NR5A2: variants seen among roughly 807,000 people sequenced by gnomAD.
NR5A2 encodes nuclear receptor subfamily 5 group A member 2.
In NR5A2, 26 loss-of-function variants were observed where a neutral mutation model predicts 62.7. That is an observed-to-expected ratio of 0.41 (90% CI 0.30 to 0.58). The LOEUF is 0.58. Among genes scored for constraint, NR5A2 ranks in the 20% least tolerant of loss-of-function variants. The pLI, the probability that NR5A2 is intolerant of heterozygous loss-of-function variation, is 0.22. For missense variants in NR5A2, 541 were observed against 669.1 expected (o/e 0.81, Z 2.11); for synonymous variants, 246 against 241.7 (o/e 1.02, Z -0.16).
chr1:200,102,718 T>C (rs1665435681), intron 5 of NR5A2, among the ~76,000 whole-genome samples: 2 of 152,202 alleles, frequency 1.3e-5, no homozygotes, highest in African/African-American at 2.4e-5. Flanking sequence ...TTTTGTACAA[T>C]TTAATTTTCA....
chr1:200,160,487 C>G (rs1338762835), intron 7 of NR5A2, among the ~76,000 whole-genome samples: 1 of 152,228 alleles, frequency 6.6e-6, no homozygotes, highest in Non-Finnish European at 1.5e-5. Context: ...GAATCGGGCT[C>G]TTAGCCTCAC....
chr1:200,089,363 T>G (rs76200047), intron 5 of NR5A2, among the ~76,000 whole-genome samples: 18,816 of 151,998 alleles, frequency 0.12, 1,239 homozygotes, highest in African/African-American at 0.19. Context: ...GTTTCGCCAC[T>G]TTGGGCAGAC....
intron 5 of NR5A2, among the ~76,000 whole-genome samples, chr1:200,093,539 G>A (rs780883352): frequency 2.0e-5 from 3 of 152,074 alleles, no homozygotes; most frequent in African/African-American, 4.8e-5. Flanking sequence ...TTTGAGACAC[G>A]GTTTTCCAGA....
intron 7 of NR5A2, among the ~76,000 whole-genome samples, chr1:200,130,727 G>C (rs867690974): frequency 1.2e-4 from 19 of 152,196 alleles, no homozygotes; most frequent in African/African-American, 4.6e-4. Flanking sequence ...TCCTGAAGCT[G>C]GTCACAATAT....
chr1:200,162,219 C>G (rs959087211), intron 7 of NR5A2, among the ~76,000 whole-genome samples: 1 of 152,168 alleles, frequency 6.6e-6, no homozygotes, highest in Admixed American at 6.5e-5. Flanking sequence ...GTGAAATTAC[C>G]ATGTAATACC....
At chr1:200,116,584 AT>A (rs1195650990) in intron 6 of NR5A2, among the ~76,000 whole-genome samples, 10 of 152,326 alleles carry the variant, frequency 6.6e-5, no homozygotes, top group African/African-American at 2.4e-4. Context: ...ACACCAGTAC[AT>A]TGTATATTGA....
At position 200,147,953 on chromosome 1, in the gene NR5A2, G is replaced by A; in HGVS notation, c.1379-26010G>A. On this transcript the variant is annotated intron_variant, in intron 7 of 7. Coordinates refer to ENST00000367362, the MANE Select transcript of NR5A2 (RefSeq NM_205860.3). This position sits in a 1 kb window ranked among gnomAD's most constrained non-coding sequence, Gnocchi z 4.9. ...GCTTCGCCGGTGTTGGTGTTGCCCT[G>A]TGGTAGGCGATGCATCGGGCGGCCG... The A allele has an allele frequency of 8.9e-6, 3 of 336,692 alleles. No individual in the cohort carries two copies. The South Asian group carries it at 1.2e-4, about 13-fold the overall frequency. The allele number at this position is 336,692 out of a possible 1,614,324, so 20.9% of individuals were successfully genotyped here.
At position 200,174,227 on chromosome 1, in the gene NR5A2, G is replaced by A. The variant is rs770456719; in HGVS notation, c.*17G>A. On this transcript the variant is annotated 3_prime_UTR_variant, in exon 8 of 8. Coordinates refer to ENST00000367362, the MANE Select transcript of NR5A2 (RefSeq NM_205860.3). ...AGAGCATAAGTTACAACCCCTAGGAGCTCTGCTTTCAAAACAAAAAGAGAT... is the reference window on the plus strand; with the variant it reads ...AGAGCATAAGTTACAACCCCTAGGAACTCTGCTTTCAAAACAAAAAGAGAT... 6.6e-7 allele frequency: 1 copy of A among 1,521,438 alleles called. No homozygotes were observed. Among genetic ancestry groups the A allele is most frequent in the Non-Finnish European group, 8.8e-7 (1 of 1,133,848 alleles). The allele number at this position is 1,521,438 out of a possible 1,614,324, so 94.2% of individuals were successfully genotyped here.
chr1:200,053,426 A>G (rs919516800), intron 5 of NR5A2, among the ~76,000 whole-genome samples: 2 of 152,166 alleles, frequency 1.3e-5, no homozygotes, highest in Non-Finnish European at 2.9e-5. Flanking sequence ...ACCTCTTTTT[A>G]CATATGAAGA....
At chr1:200,087,346 T>A (rs1276972800) in intron 5 of NR5A2, among the ~76,000 whole-genome samples, 1 of 152,138 alleles carries the variant, frequency 6.6e-6, no homozygotes, top group Non-Finnish European at 1.5e-5. Flanking sequence ...TCATGGAGTT[T>A]GTCAGGTCCC....
intron 5 of NR5A2, among the ~76,000 whole-genome samples, chr1:200,059,212 C>T (rs1663074524): frequency 6.6e-6 from 1 of 152,118 alleles, no homozygotes; most frequent in African/African-American, 2.4e-5. Flanking sequence ...TTGTTGGTTG[C>T]AGAGACTTCA....
At chr1:200,137,643 G>A (rs113967176) in intron 7 of NR5A2, among the ~76,000 whole-genome samples, 1,697 of 152,226 alleles carry the variant, frequency 0.011, 15 homozygotes, top group Non-Finnish European at 0.017. Context: ...TGGAGTGAAA[G>A]AAGAAGGAAT....
chr1:200,043,779 C>A lies in NR5A2; in HGVS notation c.208C>A (p.Gln70Lys), dbSNP rs765621229. 6.2e-7 allele frequency: 1 copy of A among 1,601,966 alleles called. No homozygotes were observed. The highest frequency in any genetic ancestry group is 1.1e-5 in the South Asian group (1 of 90,260). The change falls in exon 3 of 8, where the codon CAA (glutamine) becomes AAA (lysine). Residue 70 changes from glutamine to lysine, a missense_variant. By Grantham distance (53) the Gln-to-Lys change is moderately conservative. Coordinates refer to ENST00000367362, the MANE Select transcript of NR5A2 (RefSeq NM_205860.3). ...GQMPENMQVS[Q>K]FKMVNYSYDE... Reference sequence around the variant, plus strand: ...CATTTCTCTTTTTGTTTCAGTGTCTCAATTTAAAATGGTGAATTACTCCTA... The same window carrying A: ...CATTTCTCTTTTTGTTTCAGTGTCTAAATTTAAAATGGTGAATTACTCCTA...
intron 7 of NR5A2, among the ~76,000 whole-genome samples, chr1:200,124,475 G>C (rs999872138): frequency 1.1e-4 from 16 of 152,060 alleles, no homozygotes; most frequent in Non-Finnish European, 2.1e-4. Context: ...TGGGTAAGCT[G>C]GTCAAGAAAG....
At chr1:200,079,821 G>A (rs905410747) in intron 5 of NR5A2, among the ~76,000 whole-genome samples, 7 of 151,934 alleles carry the variant, frequency 4.6e-5, no homozygotes, top group Admixed American at 2.6e-4. Flanking sequence ...GGGAATGAAA[G>A]ACACTTCTGT....
intron 5 of NR5A2, among the ~76,000 whole-genome samples, chr1:200,078,929 C>T (rs1022037043): frequency 2.6e-5 from 4 of 152,148 alleles, no homozygotes; most frequent in Non-Finnish European, 5.9e-5. Context: ...TTCATGGACT[C>T]ACTTTTATGT....
chr1:200,045,700 C>A, intron 4 of NR5A2, 116 bp downstream of exon 4: 1 of 747,582 alleles, frequency 1.3e-6, no homozygotes, highest in Non-Finnish European at 2.1e-6. Context: ...ACACTACCGA[C>A]AATACTGTAA....
At chr1:200,139,636 C>T (rs1241994324) in intron 7 of NR5A2, among the ~76,000 whole-genome samples, 2 of 152,134 alleles carry the variant, frequency 1.3e-5, no homozygotes, top group Admixed American at 6.5e-5. Context: ...CTTCAGTTGA[C>T]GATTTTATTC....
chr1:200,105,221 A>T (rs1185567814), intron 5 of NR5A2, among the ~76,000 whole-genome samples: 1 of 151,878 alleles, frequency 6.6e-6, no homozygotes, highest in Non-Finnish European at 1.5e-5. Context: ...CAGCCTCCCA[A>T]ATTGTTGGGA....
Sources: allele counts gnomAD v4.1 joint callset (sites outside exome capture counted in the v4.1 genomes callset), GRCh38; gene constraint gnomAD v4.1.1; non-coding constraint Gnocchi (gnomAD v3.1); transcripts MANE v1.5; gene names NCBI Gene and HGNC (gene_info 2026-07-23, HGNC 2026-07-21).